Variants in SCAPER observed in about 807,000 individuals in gnomAD.
The protein encoded by SCAPER is S-phase cyclin A associated protein in the ER.
SCAPER carries 98 observed loss-of-function variants against 182.2 expected under a neutral mutation model. The observed-to-expected ratio is 0.54, with a 90% CI of 0.46 to 0.64. The LOEUF is 0.64. SCAPER is among the 30% of genes least tolerant of loss of function. The pLI, the probability that SCAPER is intolerant of heterozygous loss-of-function variation, is 0.00. For missense variants in SCAPER, 1,432 were observed against 1,690.0 expected (o/e 0.85, Z 2.68); for synonymous variants, 605 against 564.6 (o/e 1.07, Z -1.01).
At chr15:76,591,672 T>C (rs370798953) in intron 22 of SCAPER, among the ~76,000 whole-genome samples, 1 of 152,198 alleles carries the variant, frequency 6.6e-6, no homozygotes. Context: ...TAGAATACTA[T>C]GTATCACTAC....
At chr15:76,489,177 A>G (rs78455480) in intron 24 of SCAPER, among the ~76,000 whole-genome samples, 1 of 144,216 alleles carries the variant, frequency 6.9e-6, no homozygotes, top group African/African-American at 2.5e-5. Flanking sequence ...CCTTTCCCTT[A>G]TAAATCATGC....
intron 23 of SCAPER, among the ~76,000 whole-genome samples, chr15:76,526,020 T>C (rs1185568755): frequency 1.3e-5 from 2 of 152,314 alleles, no homozygotes; most frequent in East Asian, 3.9e-4. Context: ...TGCCAGCATC[T>C]GTGGTTTTTT....
chr15:76,653,985 C>T (rs999566098), intron 21 of SCAPER, among the ~76,000 whole-genome samples: 2 of 152,080 alleles, frequency 1.3e-5, no homozygotes, highest in Non-Finnish European at 2.9e-5. Flanking sequence ...TATCTAGAAT[C>T]TACAGAGAAC....
In SCAPER at chr15:76,631,175, ATG is replaced by A. The variant is rs201644599; in HGVS notation, c.2646-9348_2646-9347del. Reference sequence around the variant, plus strand: ...TCCTCCATTCTTTTATTTTCGGTCTATGTGTGTCTTTGCATGTGAGATGGAGC... The same window carrying A: ...TCCTCCATTCTTTTATTTTCGGTCTATGTGTCTTTGCATGTGAGATGGAGC... On this transcript the variant is annotated intron_variant, in intron 21 of 31. Transcript: ENST00000563290. 7.9e-3 allele frequency among the ~76,000 whole-genome samples: 1,200 copies of A among 152,168 alleles called. 11 individuals carry two copies. The highest frequency in any genetic ancestry group is 0.027 in the African/African-American group (1,140 of 41,494).
At chr15:76,588,827 A>G (rs1022757437) in intron 22 of SCAPER, among the ~76,000 whole-genome samples, 1 of 152,096 alleles carries the variant, frequency 6.6e-6, no homozygotes, top group African/African-American at 2.4e-5. Context: ...TTGTTTTGCC[A>G]TATTACCAGA....
At chr15:76,508,934 T>A (rs779873680) in intron 23 of SCAPER, among the ~76,000 whole-genome samples, 2 of 152,174 alleles carry the variant, frequency 1.3e-5, no homozygotes, top group Non-Finnish European at 2.9e-5. Flanking sequence ...ATAGTATGTA[T>A]AAATATTTTC....
At position 76,705,971 on chromosome 15, in the gene SCAPER, G is replaced by A. The variant is rs978336151; in HGVS notation, c.2179C>T (p.Arg727Ter). 3 of 1,554,270 alleles carry A rather than the reference G, an allele frequency of 1.9e-6. No individual in the cohort carries two copies. Among genetic ancestry groups the A allele is most frequent in the South Asian group, 1.2e-5 (1 of 84,124 alleles). ...TGAGCAGCTGTGAGTGCTGCCAATC[G>A]TTCTTCCCTGTCTCTGTAAGAAGAC... Reference protein sequence around the residue: ...ARERARDREERLAALTAAQQE... With the variant: ...ARERARDREE Residue 727 changes from arginine to a stop codon, truncating the protein, a stop_gained, in exon 18 of 32, where the codon CGA (arginine) becomes TGA (stop). Coordinates refer to ENST00000563290, the MANE Select transcript of SCAPER (RefSeq NM_020843.4). LOFTEE classifies it high-confidence loss of function.
chr15:76,705,824 T>C (rs886668276), intron 18 of SCAPER, 79 bp downstream of exon 18: 14 of 943,822 alleles, frequency 1.5e-5, no homozygotes, highest in Non-Finnish European at 2.2e-5. Flanking sequence ...ATTAATTCAA[T>C]TTTTTTCCTA....
chr15:76,452,939 T>C (rs952691878), intron 25 of SCAPER, among the ~76,000 whole-genome samples: 4 of 152,128 alleles, frequency 2.6e-5, no homozygotes, highest in African/African-American at 9.7e-5. Context: ...CAAGTGATCC[T>C]TCTACTTCAG....
In SCAPER at chr15:76,702,850, C is replaced by T; in HGVS notation, c.2400G>A (p.Leu800=). Residue 800 remains leucine, a splice_region_variant and synonymous_variant, in exon 19 of 32, where the codon CTG becomes CTA. Transcript: ENST00000563290. ...TTACAATATTGATATAACAACCTAC[C>T]AGGACATTGCAGAGAGAACACTGCT... ...RKKQCSLCNV[L]ISSEVYLFSH... 6.3e-7 allele frequency: 1 copy of T among 1,599,150 alleles called. No homozygotes were observed.
intron 8 of SCAPER, among the ~76,000 whole-genome samples, chr15:76,780,040 C>T (rs552200032): frequency 9.2e-5 from 14 of 152,272 alleles, no homozygotes; most frequent in Non-Finnish European, 1.3e-4. Flanking sequence ...GGACAGGAGG[C>T]GCCCACAAAA....
chr15:76,727,573 C>T (rs543994860), intron 17 of SCAPER, among the ~76,000 whole-genome samples: 22 of 152,016 alleles, frequency 1.4e-4, no homozygotes, highest in Non-Finnish European at 2.5e-4. Flanking sequence ...CCTCTAAATA[C>T]ACAATAAAAC....
At chr15:76,818,564 C>T (rs1055662198) in intron 5 of SCAPER, among the ~76,000 whole-genome samples, 3 of 151,818 alleles carry the variant, frequency 2.0e-5, no homozygotes, top group East Asian at 1.9e-4. Context: ...ACACTGTTAT[C>T]CAAAACATAC....
chr15:76,482,570 T>C (rs2051235123), intron 24 of SCAPER, among the ~76,000 whole-genome samples: 1 of 152,148 alleles, frequency 6.6e-6, no homozygotes, highest in African/African-American at 2.4e-5. Context: ...GCTTTACTTG[T>C]TTGAAGATGA....
Position 76,621,855 on chromosome 15 carries a change from A to C in SCAPER, c.2646-26T>G, listed in dbSNP as rs1474165267. Reference sequence around the variant, plus strand: ...CTGAAGAGAAAAAAAGTTTTAACACAGTTATTTCACTGCTAATTTTTATAA... The same window carrying C: ...CTGAAGAGAAAAAAAGTTTTAACACCGTTATTTCACTGCTAATTTTTATAA... On this transcript the variant is annotated intron_variant, in intron 21 of 31. Transcript: ENST00000563290. 2.0e-6 allele frequency: 3 copies of C among 1,532,860 alleles called. No homozygotes were observed. The South Asian group carries it at 3.6e-5, about 18-fold the overall frequency. The allele number at this position is 1,532,860 out of a possible 1,614,324, so 95.0% of individuals were successfully genotyped here.
At chr15:76,691,176 G>A (rs2058335159) in intron 20 of SCAPER, among the ~76,000 whole-genome samples, 2 of 151,862 alleles carry the variant, frequency 1.3e-5, no homozygotes, top group Non-Finnish European at 2.9e-5. Context: ...AATGCTCAGT[G>A]GACAGACACA....
intron 22 of SCAPER, among the ~76,000 whole-genome samples, chr15:76,609,067 C>G (rs2050740523): frequency 6.6e-6 from 1 of 152,182 alleles, no homozygotes; most frequent in Non-Finnish European, 1.5e-5. Context: ...TTGAGATGAA[C>G]CCGGTACCTC....
chr15:76,662,507 T>C (rs2056273245), intron 21 of SCAPER, among the ~76,000 whole-genome samples: 1 of 152,098 alleles, frequency 6.6e-6, no homozygotes, highest in South Asian at 2.1e-4. Context: ...TCTACAAAGC[T>C]ATAGAAATCA....
chr15:76,726,156 A>ATATATATATATACATATATAT (rs56986282), intron 17 of SCAPER, among the ~76,000 whole-genome samples: 1 of 79,724 alleles, frequency 1.3e-5, no homozygotes, highest in African/African-American at 5.2e-5. Context: ...TATATATATA[A>ATATATATATATACATATATAT]AAAACTCTAT....
Sources: gnomAD v4.1 joint callset for allele counts (sites outside exome capture counted in the v4.1 genomes callset) on GRCh38, gnomAD v4.1.1 for gene constraint, MANE v1.5 for transcripts, NCBI Gene and HGNC (gene_info 2026-07-23, HGNC 2026-07-21) for gene names.